The following CTDSPL2 variants were observed in gnomAD, a reference collection of about 807,000 sequenced individuals.
CTDSPL2 encodes the protein CTD small phosphatase-like protein 2.
CTDSPL2 carries 5 observed loss-of-function variants against 60.0 expected under a neutral mutation model. That is an observed-to-expected ratio of 0.08 (90% CI 0.04 to 0.18). The LOEUF is 0.18. CTDSPL2 is among the 10% of genes least tolerant of loss of function. The probability of loss-of-function intolerance (pLI) is 1.00; values close to 1 mark genes in which losing one functional copy is unlikely to be tolerated. For missense variants in CTDSPL2, 370 were observed against 548.8 expected, an observed-to-expected ratio of 0.67 and a Z score of 3.26; for synonymous variants, 186 against 189.3, an observed-to-expected ratio of 0.98 and a Z score of 0.14.
At chr15:44,485,661 G>T (rs144986024) in intron 3 of CTDSPL2, among the ~76,000 whole-genome samples, 2 of 152,342 alleles carry the variant, frequency 1.3e-5, no homozygotes, top group East Asian at 3.9e-4. Context: ...CTGCGGACTG[G>T]TACCAGTGGG....
chr15:44,443,976 C>T (rs376808159), intron 1 of CTDSPL2, among the ~76,000 whole-genome samples: 4 of 152,036 alleles, frequency 2.6e-5, no homozygotes, highest in East Asian at 1.9e-4. Flanking sequence ...ACTTGTAGCT[C>T]GCTGCACTCT....
At chr15:44,428,282 C>G (rs2141240959) in intron 1 of CTDSPL2, among the ~76,000 whole-genome samples, 1 of 152,264 alleles carries the variant, frequency 6.6e-6, no homozygotes, top group Middle Eastern at 3.4e-3. Flanking sequence ...CTGTTAAAAT[C>G]TCGAGTTGAC....
intron 1 of CTDSPL2, among the ~76,000 whole-genome samples, chr15:44,429,320 G>C (rs986164193): frequency 6.6e-6 from 1 of 152,140 alleles, no homozygotes; most frequent in Non-Finnish European, 1.5e-5. Flanking sequence ...ACTACTTGCC[G>C]AGTCAGTTTA....
intron 2 of CTDSPL2, among the ~76,000 whole-genome samples, chr15:44,477,362 G>A (rs1023777117): frequency 1.8e-4 from 28 of 151,726 alleles, no homozygotes; most frequent in Admixed American, 6.6e-4. Context: ...GCAAAACCCC[G>A]TCTCTACAAA....
At position 44,525,161 on chromosome 15, in the gene CTDSPL2, A is replaced by T; in HGVS notation, c.*987A>T. ...AATGAAGTATTCAGCACAGTGACTCAGTATTTTTAGTTATTTTGCATGGGC... is the reference window on the plus strand; with the variant it reads ...AATGAAGTATTCAGCACAGTGACTCTGTATTTTTAGTTATTTTGCATGGGC... On this transcript the variant is annotated 3_prime_UTR_variant, in exon 13 of 13. Transcript: ENST00000260327. 5.5e-6 allele frequency: 2 copies of T among 360,484 alleles called. No individual in the cohort carries two copies. Among genetic ancestry groups the T allele is most frequent in the Non-Finnish European group, 9.9e-6 (2 of 201,834 alleles). 22.3% of individuals were successfully genotyped at this position (360,484 alleles called of 1,614,324 possible). A position where few individuals can be genotyped will look rare whatever the true frequency, so the allele number is the denominator to read the frequency against.
chr15:44,444,443 C>T (rs2080160451), intron 1 of CTDSPL2, among the ~76,000 whole-genome samples: 1 of 151,454 alleles, frequency 6.6e-6, no homozygotes, highest in African/African-American at 2.4e-5. Flanking sequence ...CTCCCAGGCT[C>T]AAGTGATCCT....
chr15:44,440,673 T>G (rs1467142528), intron 1 of CTDSPL2, among the ~76,000 whole-genome samples: 1 of 152,210 alleles, frequency 6.6e-6, no homozygotes, highest in African/African-American at 2.4e-5. Flanking sequence ...TTTTTTTAAT[T>G]CATCTTGATT....
intron 1 of CTDSPL2, among the ~76,000 whole-genome samples, chr15:44,451,779 A>G (rs556238059): frequency 1.7e-3 from 256 of 152,332 alleles, no homozygotes; most frequent in Non-Finnish European, 2.9e-3. Flanking sequence ...ATCTCCCTGC[A>G]GTATGCAAAC....
intron 1 of CTDSPL2, among the ~76,000 whole-genome samples, chr15:44,456,542 G>T (rs1002949017): frequency 6.6e-6 from 1 of 152,144 alleles, no homozygotes; most frequent in Non-Finnish European, 1.5e-5. Context: ...GGTGTTTATA[G>T]TATTCTCTGA....
intron 10 of CTDSPL2, 122 bp downstream of exon 10, chr15:44,514,966 G>A (rs955787206): frequency 1.7e-6 from 1 of 593,606 alleles, no homozygotes; most frequent in African/African-American, 1.8e-5. Flanking sequence ...GAATATAAAT[G>A]AATTTTTTAA....
At chr15:44,494,037 A>G (rs966910316) in intron 5 of CTDSPL2, among the ~76,000 whole-genome samples, 3 of 152,170 alleles carry the variant, frequency 2.0e-5, no homozygotes, top group African/African-American at 4.8e-5. Flanking sequence ...TTGAAAGACT[A>G]TTATCTACCA....
At chr15:44,493,877 T>G (rs935712895) in intron 5 of CTDSPL2, among the ~76,000 whole-genome samples, 1 of 152,226 alleles carries the variant, frequency 6.6e-6, no homozygotes, top group Admixed American at 6.5e-5. Context: ...TTGGAGATTT[T>G]TTTTTGTGCT....
chr15:44,480,842 AAAAAG>A (rs1325480764), intron 2 of CTDSPL2, among the ~76,000 whole-genome samples: 1 of 152,144 alleles, frequency 6.6e-6, no homozygotes, highest in Non-Finnish European at 1.5e-5. Flanking sequence ...GAAAAAAAGA[AAAAAG>A]AAAAATACAG....
At chr15:44,444,306 C>T (rs1421508602) in intron 1 of CTDSPL2, among the ~76,000 whole-genome samples, 2 of 118,632 alleles carry the variant, frequency 1.7e-5, no homozygotes, top group African/African-American at 2.7e-5. Flanking sequence ...TTCCCATACA[C>T]ACACACACAC....
chr15:44,432,562 C>T lies in CTDSPL2; in HGVS notation c.-25+4790C>T, dbSNP rs1019334763. 4.6e-4 allele frequency among the ~76,000 whole-genome samples: 69 copies of T among 148,764 alleles called. 1 individual carries two copies. The highest frequency in any genetic ancestry group is 1.5e-3 in the African/African-American group (59 of 40,376). On this transcript the variant is annotated intron_variant, in intron 1 of 12. Transcript: ENST00000260327. ...TTCTCGAACTCCTGACCTTGTGATC[C>T]GCCCACTTTGGCGTCCCAAAGTGCT... is the stretch of plus-strand genomic sequence containing the variant.
rs954405574 is a variant in CTDSPL2, at chr15:44,528,665, C to T, written c.*4491C>T. The T allele has an allele frequency of 1.3e-5, 2 of 152,060 alleles. No individual in the cohort carries two copies. The highest frequency in any genetic ancestry group is 1.3e-4 in the Admixed American group (2 of 15,252). The allele number at this position is 152,060 out of a possible 1,614,324, so 9.4% of individuals were successfully genotyped here. A position where few individuals can be genotyped will look rare whatever the true frequency, so the allele number is the denominator to read the frequency against. On this transcript the variant is annotated 3_prime_UTR_variant, in exon 13 of 13. Coordinates refer to ENST00000260327, the MANE Select transcript of CTDSPL2 (RefSeq NM_016396.3). ...AGGACTTGGAATAGTTGACCATATA[C>T]ATAGCTAAAGGACATGTCCCTGAAT...
intron 1 of CTDSPL2, among the ~76,000 whole-genome samples, chr15:44,445,678 C>A (rs1351998308): frequency 6.6e-6 from 1 of 151,274 alleles, no homozygotes; most frequent in Non-Finnish European, 1.5e-5. Flanking sequence ...CGCACTGTCG[C>A]CTGGGCTGGA....
chr15:44,509,328 A>G (rs915557538), intron 8 of CTDSPL2, among the ~76,000 whole-genome samples: 1 of 151,918 alleles, frequency 6.6e-6, no homozygotes, highest in Admixed American at 6.6e-5. Flanking sequence ...CAGCCTTTCA[A>G]GTAGCTGGGA....
intron 1 of CTDSPL2, among the ~76,000 whole-genome samples, chr15:44,440,457 A>G (rs2080062628): frequency 6.6e-6 from 1 of 152,014 alleles, no homozygotes; most frequent in African/African-American, 2.4e-5. Flanking sequence ...TGGCCTCCAA[A>G]AGTGCTGGGA....
Sources: gnomAD v4.1 joint callset for allele counts (sites outside exome capture counted in the v4.1 genomes callset) on GRCh38, gnomAD v4.1.1 for gene constraint, MANE v1.5 for transcripts, NCBI Gene and HGNC (gene_info 2026-07-23, HGNC 2026-07-21) for gene names.